CBR1: variants seen among roughly 807,000 people sequenced by gnomAD.
CBR1 encodes carbonyl reductase 1.
In CBR1, 11 loss-of-function variants were observed where a neutral mutation model predicts 10.6. The ratio of observed to expected loss-of-function variants is 1.03; its 90% CI spans 0.65 to 1.71. The LOEUF is 1.71. Among genes scored for constraint, CBR1 ranks in the 40% most tolerant of loss-of-function variants. CBR1 has a pLI of 0.00. For missense variants in CBR1, 361 were observed against 368.6 expected (o/e 0.98, Z 0.17); for synonymous variants, 158 against 156.7 (o/e 1.01, Z -0.06).
chr21:36,072,963 A>G lies in CBR1; in HGVS notation c.*81A>G. The G allele has an allele frequency of 2.2e-6, 2 of 905,878 alleles. No individual in the cohort carries two copies. Among genetic ancestry groups the G allele is most frequent in the Non-Finnish European group, 3.3e-6 (2 of 603,976 alleles). 56.1% of individuals were successfully genotyped at this position (905,878 alleles called of 1,614,324 possible). ...CCAAAGGGCATTTACAATGTCATAA[A>G]TATCCTTATATAAGAAAAAAAATGA... On this transcript the variant is annotated 3_prime_UTR_variant, in exon 3 of 3. Transcript: ENST00000290349.
In CBR1 at chr21:36,072,643, A is replaced by G; in HGVS notation, c.595A>G (p.Ile199Val). The G allele has an allele frequency of 6.2e-7, 1 of 1,611,942 alleles. No homozygotes were observed. Among genetic ancestry groups the G allele is most frequent in the Non-Finnish European group, 8.5e-7 (1 of 1,178,770 alleles). ...CAGCAGCGCATACGGGGTGACGAAG[A>G]TTGGCGTCACCGTTCTGTCCAGGAT... ...WPSSAYGVTK[I>V]GVTVLSRIHA... The change falls in exon 3 of 3, where the codon ATT becomes GTT. Residue 199 changes from isoleucine to valine, a missense_variant. Physicochemically the swap from Ile to Val is conservative, Grantham distance 29. Coordinates refer to ENST00000290349, the MANE Select transcript of CBR1 (RefSeq NM_001757.4).
rs767383110 is a variant in CBR1, at chr21:36,070,404, G to C, written c.289G>C (p.Val97Leu). The change falls in exon 1 of 3, where the codon GTT becomes CTT. Residue 97 changes from valine (V) to leucine (L), a missense_variant and splice_region_variant. By Grantham distance (32) the Val-to-Leu change is conservative. Coordinates refer to ENST00000290349, the MANE Select transcript of CBR1 (RefSeq NM_001757.4). ...LVNNAGIAFK[V>L]ADPTPFHIQA... ...CAACAACGCGGGCATCGCCTTCAAG[G>C]GTATGGGGAGGGGACGTGGCCTCCC... The C allele has an allele frequency of 2.3e-5, 37 of 1,593,308 alleles. No individual in the cohort carries two copies. The highest frequency in any genetic ancestry group is 3.0e-5 in the Non-Finnish European group (35 of 1,168,474).
In CBR1 at chr21:36,070,320, A is replaced by T; in HGVS notation, c.205A>T (p.Ser69Cys). ...FHQLDIDDLQ[S>C]IRALRDFLRK... ...CCAGCTGGACATCGACGATCTGCAG[A>T]GCATCCGCGCCCTGCGCGACTTCCT... is the stretch of plus-strand genomic sequence containing the variant. Residue 69 changes from serine to cysteine, a missense_variant, in exon 1 of 3, where the codon AGC (serine) becomes TGC (cysteine). Transcript: ENST00000290349. 1 of 1,613,262 alleles carries T rather than the reference A, an allele frequency of 6.2e-7. No individual in the cohort carries two copies. Among genetic ancestry groups the T allele is most frequent in the South Asian group, 1.1e-5 (1 of 91,074 alleles).
At chr21:36,070,430 C>T (rs1207277127) in intron 1 of CBR1, 26 bp downstream of exon 1, 1 of 1,554,052 alleles carries the variant, frequency 6.4e-7, no homozygotes, top group Non-Finnish European at 8.7e-7. Flanking sequence ...GTGGCCTCCC[C>T]GAAGAAGAAC....
chr21:36,071,090 T>C (rs545432870), intron 2 of CBR1, 33 bp downstream of exon 2: 6 of 1,444,532 alleles, frequency 4.2e-6, no homozygotes, highest in South Asian at 2.3e-5. Context: ...CACCTTCTCT[T>C]TGGGGCTTGA....
chr21:36,070,467 C>CG (rs2065343648), intron 1 of CBR1, 63 bp downstream of exon 1: 3 of 1,491,964 alleles, frequency 2.0e-6, no homozygotes, highest in South Asian at 2.6e-5. Context: ...CTGGCGTCTG[C>CG]GGGGTCCATA....
At chr21:36,072,007 T>C (rs1208632429) in intron 2 of CBR1, 1 of 1,528,080 alleles carries the variant, frequency 6.5e-7, no homozygotes, top group African/African-American at 1.4e-5. Flanking sequence ...ACTGCTGTGA[T>C]AGTTACCCTA....
chr21:36,072,474 GA>G lies in CBR1; in HGVS notation c.427del (p.Ser143AlafsTer30). ...GAGTGGTGAACGTATCTAGCATCAT[GA>G]GCGTCAGAGCCCTTAAAAGCTGCAG... is the stretch of plus-strand genomic sequence containing the variant. ...GRVVNVSSIM[S>X]VRALKSCSPE... On this transcript the variant is annotated frameshift_variant, in exon 3 of 3. Coordinates refer to ENST00000290349, the MANE Select transcript of CBR1 (RefSeq NM_001757.4). LOFTEE classifies it low-confidence loss of function (END_TRUNC). 1.9e-6 allele frequency: 3 copies of G among 1,614,022 alleles called. No individual in the cohort carries two copies. The highest frequency in any genetic ancestry group is 2.5e-6 in the Non-Finnish European group (3 of 1,179,972).
chr21:36,071,444 C>T lies in CBR1; in HGVS notation c.397+387C>T, dbSNP rs1006360426. 1.4e-5 allele frequency: 8 copies of T among 586,942 alleles called. No homozygotes were observed. In the Admixed American group the frequency reaches 1.5e-4, roughly 11 times the overall value. 36.4% of individuals were successfully genotyped at this position (586,942 alleles called of 1,614,324 possible). A position where few individuals can be genotyped will look rare whatever the true frequency, so the allele number is the denominator to read the frequency against. ...GGTGGAGGCTTTACTACCACCAGTT[C>T]ATTAGGCCCTTCTAATACCTGTCAC... On this transcript the variant is annotated intron_variant, in intron 2 of 2. Coordinates refer to ENST00000290349, the MANE Select transcript of CBR1 (RefSeq NM_001757.4).
At chr21:36,071,692 T>G (rs1053524302) in intron 2 of CBR1, 1 of 645,160 alleles carries the variant, frequency 1.5e-6, no homozygotes. Context: ...TTGTGCCCAC[T>G]GAGTTCCTCC....
chr21:36,071,231 C>G (rs2065350032), intron 2 of CBR1, 174 bp downstream of exon 2: 1 of 704,452 alleles, frequency 1.4e-6, no homozygotes, highest in Non-Finnish European at 2.6e-6. Context: ...TTTGTCCTCA[C>G]TTCTCCCACT....
chr21:36,071,100 A>G, intron 2 of CBR1, 43 bp downstream of exon 2: 1 of 1,331,690 alleles, frequency 7.5e-7, no homozygotes, highest in Non-Finnish European at 1.1e-6. Flanking sequence ...TTGGGGCTTG[A>G]TTTGGCCCCT....
chr21:36,070,308 G>A lies in CBR1; in HGVS notation c.193G>A (p.Asp65Asn). ...CCCGCGCTTCCACCAGCTGGACATC[G>A]ACGATCTGCAGAGCATCCGCGCCCT... ...LSPRFHQLDI[D>N]DLQSIRALRD... The change falls in exon 1 of 3, where the codon GAC becomes AAC. Residue 65 changes from aspartate (D) to asparagine (N), a missense_variant. By Grantham distance (23) the Asp-to-Asn change is conservative. Transcript: ENST00000290349. 1 of 1,613,208 alleles carries A rather than the reference G, an allele frequency of 6.2e-7. No homozygotes were observed. The highest frequency in any genetic ancestry group is 8.5e-7 in the Non-Finnish European group (1 of 1,179,980).
At position 36,072,521 on chromosome 21, in the gene CBR1, T is replaced by G. The variant is rs746489070; in HGVS notation, c.473T>G (p.Phe158Cys). The G allele has an allele frequency of 6.2e-7, 1 of 1,606,206 alleles. No individual in the cohort carries two copies. The highest frequency in any genetic ancestry group is 8.5e-7 in the Non-Finnish European group (1 of 1,176,964). ...KSCSPELQQK[F>C]RSETITEEEL... The stretch of plus-strand genomic sequence containing the variant: ...TGCAGCCCAGAGCTGCAGCAGAAGT[T>G]CCGCAGTGAGACCATCACTGAGGAG... Residue 158 changes from phenylalanine to cysteine, a missense_variant, in exon 3 of 3, where the codon TTC becomes TGC. Coordinates refer to ENST00000290349, the MANE Select transcript of CBR1 (RefSeq NM_001757.4).
chr21:36,070,879 TTA>T, intron 1 of CBR1, 69 bp from the exon 2 acceptor site: 2 of 903,886 alleles, frequency 2.2e-6, no homozygotes, highest in Non-Finnish European at 3.4e-6. Flanking sequence ...TTTTTTTTTT[TTA>T]GTATCATTGT....
intron 2 of CBR1, 157 bp downstream of exon 2, chr21:36,071,214 T>C: frequency 1.4e-6 from 1 of 713,216 alleles, no homozygotes; most frequent in South Asian, 1.5e-5. Context: ...CCATTTTGCC[T>C]CAGGACTTTG....
Position 36,070,080 on chromosome 21 carries a change from T to C in CBR1, c.-36T>C. On this transcript the variant is annotated 5_prime_UTR_variant, in exon 1 of 3. Transcript: ENST00000290349. ...GGCTCCCGGGCCTGAGCCAGGTCTG[T>C]TCTCCACGCAGGTGTTCCGCGCGCC... The C allele has an allele frequency of 6.8e-7, 1 of 1,468,118 alleles. No individual in the cohort carries two copies. Among genetic ancestry groups the C allele is most frequent in the Non-Finnish European group, 9.0e-7 (1 of 1,105,864 alleles). The allele number at this position is 1,468,118 out of a possible 1,614,324, so 90.9% of individuals were successfully genotyped here. A position where few individuals can be genotyped will look rare whatever the true frequency, so the allele number is the denominator to read the frequency against.
intron 2 of CBR1, chr21:36,071,714 C>T: frequency 1.3e-6 from 1 of 746,174 alleles, no homozygotes; most frequent in Non-Finnish European, 2.2e-6. Flanking sequence ...GAATCCGTCT[C>T]ATTGCAGCTC....
Position 36,071,821 on chromosome 21 carries a change from G to T in CBR1, c.398-625G>T, listed in dbSNP as rs2065353804. ...TCCTCTTTTCCTTTCCCAGCATCCT[G>T]CGTACTGTCTGCATGGTCATGCCTC... On this transcript the variant is annotated intron_variant, in intron 2 of 2. Coordinates refer to ENST00000290349, the MANE Select transcript of CBR1 (RefSeq NM_001757.4). 4 of 1,534,846 alleles carry T rather than the reference G, an allele frequency of 2.6e-6. No individual in the cohort carries two copies. The East Asian group carries it at 9.8e-5, about 38-fold the overall frequency.
Sources: allele counts gnomAD v4.1 joint callset, GRCh38; gene constraint gnomAD v4.1.1; transcripts MANE v1.5; gene names NCBI Gene and HGNC (gene_info 2026-07-23, HGNC 2026-07-21).